SLC15A3: variants seen among roughly 807,000 people sequenced by gnomAD.
The protein encoded by SLC15A3 is osteoclast transporter.
SLC15A3 carries 39 observed loss-of-function variants against 49.2 expected under a neutral mutation model. The observed-to-expected ratio is 0.79, with a 90% CI of 0.61 to 1.04. The LOEUF is 1.04. SLC15A3 is among the 50% of genes least tolerant of loss of function. The pLI, the probability that SLC15A3 is intolerant of heterozygous loss-of-function variation, is 0.00. For synonymous variants in SLC15A3, 339 were observed against 367.0 expected, an observed-to-expected ratio of 0.92 and a Z score of 0.87; for missense variants, 758 against 794.8, an observed-to-expected ratio of 0.95 and a Z score of 0.56.
intron 3 of SLC15A3, 149 bp downstream of exon 3, chr11:60,943,540 C>T (rs1856749916): frequency 1.2e-6 from 1 of 802,878 alleles, no homozygotes; most frequent in Non-Finnish European, 1.7e-6. Context: ...TGTGCCAGGC[C>T]CCATGCTAGC....
At chr11:60,945,783 T>C (rs1196549061) in intron 2 of SLC15A3, among the ~76,000 whole-genome samples, 2 of 152,210 alleles carry the variant, frequency 1.3e-5, no homozygotes, top group Non-Finnish European at 2.9e-5. Context: ...CCTAAGACGC[T>C]GTGATGGTTA....
At chr11:60,944,655 T>C (rs953332368) in intron 2 of SLC15A3, among the ~76,000 whole-genome samples, 3 of 152,050 alleles carry the variant, frequency 2.0e-5, no homozygotes, top group Non-Finnish European at 4.4e-5. Context: ...CAAGCCTGAC[T>C]CAGAGAGAGA....
In SLC15A3 at chr11:60,941,307, C is replaced by T; in HGVS notation, c.1108-17G>A. 6.2e-7 allele frequency: 1 copy of T among 1,607,814 alleles called. No individual in the cohort carries two copies. Among genetic ancestry groups the T allele is most frequent in the South Asian group, 1.1e-5 (1 of 89,840 alleles). ...TTCCGGGATCTGGGCAGGAGGAAGT[C>T]AGGAGAGGCAGGCTAGCAGAGTGCA... On this transcript the variant is annotated splice_polypyrimidine_tract_variant and intron_variant, in intron 4 of 7. Coordinates refer to ENST00000227880, the MANE Select transcript of SLC15A3 (RefSeq NM_016582.3).
chr11:60,937,161 C>G lies in SLC15A3; in HGVS notation c.*58G>C. On this transcript the variant is annotated 3_prime_UTR_variant, in exon 8 of 8. Coordinates refer to ENST00000227880, the MANE Select transcript of SLC15A3 (RefSeq NM_016582.3). ...GAATAAACCGAGAAGGAAACCAGAG[C>G]TGGGACTGCTGCCGTCTGTCCGGTA... 6.4e-7 allele frequency: 1 copy of G among 1,567,914 alleles called. No homozygotes were observed. Among genetic ancestry groups the G allele is most frequent in the Non-Finnish European group, 8.7e-7 (1 of 1,155,396 alleles).
chr11:60,942,312 G>C (rs1856724911), intron 3 of SLC15A3, 167 bp from the exon 4 acceptor site: 1 of 595,782 alleles, frequency 1.7e-6, no homozygotes, highest in Non-Finnish European at 3.0e-6. Context: ...TAGGTAGCTG[G>C]GCTGGGCAGG....
At chr11:60,945,375 C>A (rs1856786326) in intron 2 of SLC15A3, among the ~76,000 whole-genome samples, 1 of 152,186 alleles carries the variant, frequency 6.6e-6, no homozygotes, top group Non-Finnish European at 1.5e-5. Context: ...TGACTGCAAC[C>A]CCAGTGCCAT....
Position 60,938,065 on chromosome 11 carries a change from A to G in SLC15A3, c.1436-40T>C, listed in dbSNP as rs910416939. On this transcript the variant is annotated intron_variant, in intron 6 of 7. Transcript: ENST00000227880. The stretch of plus-strand genomic sequence containing the variant: ...CAGAGACGATCTCAGGGGCTGGTGC[A>G]GGCGCAGAGAACAGGCCCAGGCCCC... 5 of 1,602,704 alleles carry G rather than the reference A, an allele frequency of 3.1e-6. No individual in the cohort carries two copies. In the African/African-American group the frequency reaches 5.4e-5, roughly 17 times the overall value.
At position 60,941,163 on chromosome 11, in the gene SLC15A3, G is replaced by A. The variant is rs778486712; in HGVS notation, c.1235C>T (p.Ala412Val). Reference sequence around the variant, plus strand: ...GGTAAAACCAAAGAACATCCCCAGCGCCATCTTCTGCAGAGCAGAGGGAAG... The same window carrying A: ...GGTAAAACCAAAGAACATCCCCAGCACCATCTTCTGCAGAGCAGAGGGAAG... Reference protein sequence around the residue: ...KLLPSALQKMALGMFFGFTSV... With the variant: ...KLLPSALQKMVLGMFFGFTSV... Residue 412 changes from alanine to valine, a missense_variant, in exon 5 of 8, where the codon GCG (alanine) becomes GTG (valine). This residue lies in a region of SLC15A3 where 699 missense variants were observed against 706.7 expected (regional missense o/e 0.99). Transcript: ENST00000227880. The A allele has an allele frequency of 2.5e-5, 41 of 1,613,678 alleles. No homozygotes were observed. The highest frequency in any genetic ancestry group is 2.5e-4 in the East Asian group (11 of 44,874).
chr11:60,949,480 GA>G (rs1856861403), intron 1 of SLC15A3, among the ~76,000 whole-genome samples: 4 of 145,028 alleles, frequency 2.8e-5, no homozygotes, highest in Non-Finnish European at 4.5e-5. Flanking sequence ...GAAAGAGAAA[GA>G]AAGGAAGAAA....
chr11:60,937,346 A>C lies in SLC15A3; in HGVS notation c.1619T>G (p.Leu540Arg). 1 of 1,614,128 alleles carries C rather than the reference A, an allele frequency of 6.2e-7. No homozygotes were observed. Among genetic ancestry groups the C allele is most frequent in the East Asian group, 2.2e-5 (1 of 44,864 alleles). ...AATGCCAGCCAGCAGGAAGAAGTAG[A>C]GGTCCATCCGGCAATTGTTGATGTT... ...FGNINNCRMD[L>R]YFFLLAGIQA... Residue 540 changes from leucine to arginine, a missense_variant, in exon 8 of 8, where the codon CTC (leucine) becomes CGC (arginine). By Grantham distance (102) the Leu-to-Arg change is moderately radical. Transcript: ENST00000227880.
chr11:60,939,524 T>G lies in SLC15A3; in HGVS notation c.1391A>C (p.Gln464Pro). 2 of 1,614,176 alleles carry G rather than the reference T, an allele frequency of 1.2e-6. No individual in the cohort carries two copies. Among genetic ancestry groups the G allele is most frequent in the Non-Finnish European group, 1.7e-6 (2 of 1,180,012 alleles). ...APLSIWWQIP[Q>P]YLLIGISEIF... is the part of the protein sequence containing the mutation. ...CTCACTGATCCCAATGAGCAGGTAC[T>G]GAGGGATCTGCCACCAGATGGACAG... The change falls in exon 6 of 8, where the codon CAG becomes CCG. Residue 464 changes from glutamine (Q) to proline (P), a missense_variant. Gln to Pro is a moderately conservative substitution (Grantham distance 76). Around this residue, in one of 3 missense-constraint regions of SLC15A3, gnomAD observed 699 missense variants for 706.7 expected, o/e 0.99. Transcript: ENST00000227880.
At chr11:60,949,559 A>G (rs1469599984) in intron 1 of SLC15A3, among the ~76,000 whole-genome samples, 1 of 74,306 alleles carries the variant, frequency 1.3e-5, no homozygotes, top group Non-Finnish European at 3.8e-5. Flanking sequence ...AAAGAAAGAA[A>G]GAAAGAAAGA....
intron 7 of SLC15A3, 184 bp downstream of exon 7, chr11:60,937,686 A>T (rs1400525414): frequency 1.3e-5 from 10 of 776,392 alleles, no homozygotes; most frequent in African/African-American, 1.8e-5. Context: ...ACACTTGGGG[A>T]AAGAAAGGCC....
At position 60,942,019 on chromosome 11, in the gene SLC15A3, A is replaced by G; in HGVS notation, c.1107+16T>C. The G allele has an allele frequency of 6.2e-7, 1 of 1,611,168 alleles. No individual in the cohort carries two copies. Among genetic ancestry groups the G allele is most frequent in the Middle Eastern group, 1.7e-4 (1 of 6,054 alleles). On this transcript the variant is annotated intron_variant, in intron 4 of 7. Coordinates refer to ENST00000227880, the MANE Select transcript of SLC15A3 (RefSeq NM_016582.3). ...CCTGGCTGAACTGGGTGCCGAACAC[A>G]TGCTTTATCTCTCACCGTGTAGCTG... is the stretch of plus-strand genomic sequence containing the variant.
chr11:60,949,495 AGAAAGAAG>A (rs1856863131), intron 1 of SLC15A3, among the ~76,000 whole-genome samples: 1 of 138,088 alleles, frequency 7.2e-6, no homozygotes, highest in African/African-American at 2.8e-5. Flanking sequence ...GAAGAAAGAA[AGAAAGAAG>A]GAAAGAAAGA....
At chr11:60,947,977 C>T (rs1489883901) in intron 1 of SLC15A3, among the ~76,000 whole-genome samples, 4 of 152,196 alleles carry the variant, frequency 2.6e-5, no homozygotes, top group African/African-American at 7.2e-5. Context: ...AGAATAAATA[C>T]TTCTCTACAT....
chr11:60,944,930 C>T lies in SLC15A3; in HGVS notation c.849-1094G>A, dbSNP rs183161108. ...CTGTCCTTTGAGATTCCAAAAGGGA[C>T]AATATTAGTGTAGTCATCTCCAAAG... On this transcript the variant is annotated intron_variant, in intron 2 of 7. Coordinates refer to ENST00000227880, the MANE Select transcript of SLC15A3 (RefSeq NM_016582.3). Among the ~76,000 whole-genome samples the T allele has an allele frequency of 5.3e-4, 81 of 152,310 alleles. 1 individual carries two copies. Among genetic ancestry groups the T allele is most frequent in the African/African-American group, 1.8e-3 (76 of 41,574 alleles).
At chr11:60,943,969 C>T (rs1238214834) in intron 2 of SLC15A3, 133 bp from the exon 3 acceptor site, 13 of 882,570 alleles carry the variant, frequency 1.5e-5, no homozygotes, top group Non-Finnish European at 2.0e-5. Context: ...ACCAGCCTGG[C>T]CAAGATGATG....
chr11:60,938,127 C>T (rs1261027375), intron 6 of SLC15A3, 102 bp from the exon 7 acceptor site: 5 of 1,394,628 alleles, frequency 3.6e-6, no homozygotes, highest in East Asian at 2.5e-5. Context: ...ACCAAGCCAC[C>T]CTCCAGGCTT....
Sources: allele counts gnomAD v4.1 joint callset (sites outside exome capture counted in the v4.1 genomes callset), GRCh38; gene constraint gnomAD v4.1.1; regional missense constraint gnomAD v4.1.1; transcripts MANE v1.5; gene names NCBI Gene and HGNC (gene_info 2026-07-23, HGNC 2026-07-21).